GMDS: variants seen among roughly 807,000 people sequenced by gnomAD.
The protein encoded by GMDS is GDP-mannose 4,6 dehydratase.
In GMDS, 20 loss-of-function variants were observed where a neutral mutation model predicts 49.9. The observed-to-expected ratio is 0.40, with a 90% CI of 0.28 to 0.58. GMDS has a LOEUF of 0.58. GMDS is among the 20% of genes least tolerant of loss of function. GMDS has a pLI of 0.42. For synonymous variants in GMDS, 177 were observed against 178.6 expected (o/e 0.99, Z 0.07); for missense variants, 362 against 481.4 (o/e 0.75, Z 2.32).
intron 1 of GMDS, among the ~76,000 whole-genome samples, chr6:2,144,379 C>T (rs1226826239): frequency 6.6e-6 from 1 of 152,194 alleles, no homozygotes; most frequent in African/African-American, 2.4e-5. Context: ...TGGTGAGAGG[C>T]AGAGTGGGCA....
chr6:1,804,332 C>A (rs906823089), intron 7 of GMDS, among the ~76,000 whole-genome samples: 2 of 152,272 alleles, frequency 1.3e-5, no homozygotes, highest in Non-Finnish European at 1.5e-5. Flanking sequence ...GGAAGCCATG[C>A]ATTTCCCGTC....
At chr6:2,174,705 C>A (rs1778187740) in intron 1 of GMDS, among the ~76,000 whole-genome samples, 1 of 152,068 alleles carries the variant, frequency 6.6e-6, no homozygotes, top group Non-Finnish European at 1.5e-5. Flanking sequence ...GTAGCTAGGA[C>A]TGCAGGCACG....
At chr6:2,117,155 T>C in intron 3 of GMDS, among the ~76,000 whole-genome samples, 1 of 152,176 alleles carries the variant, frequency 6.6e-6, no homozygotes, top group South Asian at 2.1e-4. Flanking sequence ...GCACTGCCAG[T>C]GTGGAACTGC....
chr6:2,106,827 C>A (rs1422823882), intron 4 of GMDS, among the ~76,000 whole-genome samples: 1 of 150,348 alleles, frequency 6.7e-6, no homozygotes, highest in Non-Finnish European at 1.5e-5. Context: ...GGTGCCACTG[C>A]ACTCCAGCCT....
intron 7 of GMDS, among the ~76,000 whole-genome samples, chr6:1,870,909 T>C (rs755030158): frequency 1.3e-4 from 20 of 152,144 alleles, no homozygotes; most frequent in Non-Finnish European, 2.6e-4. Flanking sequence ...ATGTCACCTG[T>C]TCCAAATGCC....
chr6:2,173,471 A>G (rs1182377589), intron 1 of GMDS, among the ~76,000 whole-genome samples: 4 of 152,226 alleles, frequency 2.6e-5, no homozygotes, highest in African/African-American at 9.6e-5. Flanking sequence ...GAGGGCAGCA[A>G]GGCAGAGAAA....
At chr6:2,111,911 C>G (rs941156355) in intron 4 of GMDS, among the ~76,000 whole-genome samples, 2 of 152,082 alleles carry the variant, frequency 1.3e-5, no homozygotes, top group African/African-American at 4.8e-5. Flanking sequence ...TACTAGAAAA[C>G]AAACAAACAA....
At chr6:2,207,090 C>A (rs1779840420) in intron 1 of GMDS, among the ~76,000 whole-genome samples, 1 of 152,174 alleles carries the variant, frequency 6.6e-6, no homozygotes, top group Non-Finnish European at 1.5e-5. Flanking sequence ...AAGTTAGAAT[C>A]CAACACACAT....
At chr6:1,999,569 T>A (rs1011330899) in intron 4 of GMDS, among the ~76,000 whole-genome samples, 1 of 151,472 alleles carries the variant, frequency 6.6e-6, no homozygotes, top group Non-Finnish European at 1.5e-5. Context: ...AATATTCTAA[T>A]GAGGAACAAC....
At chr6:1,721,624 G>T (rs1306011827) in intron 9 of GMDS, among the ~76,000 whole-genome samples, 1 of 151,900 alleles carries the variant, frequency 6.6e-6, no homozygotes, top group African/African-American at 2.4e-5. Flanking sequence ...TTGTTTGACT[G>T]AAAAAAATCT....
intron 6 of GMDS, among the ~76,000 whole-genome samples, chr6:1,952,359 C>A (rs1358384977): frequency 2.0e-5 from 3 of 152,016 alleles, no homozygotes; most frequent in Non-Finnish European, 4.4e-5. Flanking sequence ...GTAAGTTAAA[C>A]AAGTTAGTCA....
At chr6:1,992,550 A>C (rs1329891260) in intron 4 of GMDS, among the ~76,000 whole-genome samples, 1 of 152,118 alleles carries the variant, frequency 6.6e-6, no homozygotes, top group Non-Finnish European at 1.5e-5. Context: ...TTTCCCCTAG[A>C]AATCTGCATG....
At chr6:1,809,184 A>G (rs1366963493) in intron 7 of GMDS, among the ~76,000 whole-genome samples, 2 of 152,218 alleles carry the variant, frequency 1.3e-5, no homozygotes, top group African/African-American at 2.4e-5. Flanking sequence ...TCACTACTCA[A>G]AGTTGATGAC....
intron 7 of GMDS, among the ~76,000 whole-genome samples, chr6:1,747,608 G>A (rs568715363): frequency 6.6e-6 from 1 of 152,228 alleles, no homozygotes; most frequent in Non-Finnish European, 1.5e-5. Flanking sequence ...TCCAGAGAAA[G>A]GATGCCCAGT....
At chr6:2,244,192 G>A (rs902795499) in intron 1 of GMDS, among the ~76,000 whole-genome samples, 2 of 151,898 alleles carry the variant, frequency 1.3e-5, no homozygotes, top group African/African-American at 4.8e-5. Context: ...TCTAACACTA[G>A]AGAACTTTGA....
At chr6:1,858,849 A>C (rs1334354850) in intron 7 of GMDS, among the ~76,000 whole-genome samples, 1 of 152,208 alleles carries the variant, frequency 6.6e-6, no homozygotes, top group African/African-American at 2.4e-5. Flanking sequence ...TCTACATAAG[A>C]AGTTACAATC....
At chr6:2,059,175 CAAAAAAAAAAAA>C (rs55832305) in intron 4 of GMDS, among the ~76,000 whole-genome samples, 38 of 30,016 alleles carry the variant, frequency 1.3e-3, no homozygotes, top group South Asian at 4.9e-3. Flanking sequence ...TCCTCTGTCT[CAAAAAAAAAAAA>C]AAAAAAAAAA....
At chr6:1,988,512 C>T (rs1172693389) in intron 4 of GMDS, among the ~76,000 whole-genome samples, 2 of 152,092 alleles carry the variant, frequency 1.3e-5, no homozygotes, top group African/African-American at 2.4e-5. Flanking sequence ...GAGTGTGCTC[C>T]AATTTGGGCT....
At chr6:1,961,563 G>A (rs1158573776) in intron 4 of GMDS, among the ~76,000 whole-genome samples, 1 of 152,188 alleles carries the variant, frequency 6.6e-6, no homozygotes, top group Non-Finnish European at 1.5e-5. Context: ...AGCGAATGCT[G>A]AGGAATAATT....
Sources: gnomAD v4.1 joint callset for allele counts (sites outside exome capture counted in the v4.1 genomes callset) on GRCh38, gnomAD v4.1.1 for gene constraint, MANE v1.5 for transcripts, NCBI Gene and HGNC (gene_info 2026-07-23, HGNC 2026-07-21) for gene names.